Variants in SYNPR observed in about 807,000 individuals in gnomAD.
SYNPR encodes synaptoporin.
SYNPR carries 23 observed loss-of-function variants against 32.9 expected under a neutral mutation model. The ratio of observed to expected loss-of-function variants is 0.70; its 90% CI spans 0.50 to 0.99. The LOEUF (loss-of-function observed/expected upper bound fraction) is 0.99. Ranked by LOEUF, SYNPR falls within the 50% of genes least tolerant of loss-of-function variation. The probability of loss-of-function intolerance (pLI) is 0.00; values close to 1 mark genes in which losing one functional copy is unlikely to be tolerated. For synonymous variants in SYNPR, 146 were observed against 135.9 expected (o/e 1.07, Z -0.52); for missense variants, 318 against 349.3 (o/e 0.91, Z 0.71).
At chr3:63,596,815 T>A (rs555630621) in intron 4 of SYNPR, among the ~76,000 whole-genome samples, 13 of 152,296 alleles carry the variant, frequency 8.5e-5, no homozygotes, top group Middle Eastern at 6.8e-3. Flanking sequence ...CACTGTCACT[T>A]GACCATGGAT....
the SYNPR span, among the ~76,000 whole-genome samples, chr3:63,222,011 A>ATTTTT: frequency 0.016 from 875 of 56,382 alleles, 137 homozygotes; most frequent in East Asian, 0.048. Flanking sequence ...GCCATGCTCA[A>ATTTTT]TTTTTTTTTT....
chr3:63,270,443 A>G (rs901181254), intron 3 of SYNPR, among the ~76,000 whole-genome samples: 1 of 152,234 alleles, frequency 6.6e-6, no homozygotes, highest in Non-Finnish European at 1.5e-5. Flanking sequence ...AAACCAAGGG[A>G]CATACACCGA....
intron 4 of SYNPR, among the ~76,000 whole-genome samples, chr3:63,597,405 G>T (rs1699977598): frequency 6.6e-6 from 1 of 152,170 alleles, no homozygotes; most frequent in South Asian, 2.1e-4. Context: ...TTGCTTACTT[G>T]AAGGATCTGA....
upstream of SYNPR, among the ~76,000 whole-genome samples, chr3:63,225,629 CCAT>C (rs972867568): frequency 6.6e-6 from 1 of 151,984 alleles, no homozygotes; most frequent in Non-Finnish European, 1.5e-5. Flanking sequence ...AACCCATCTC[CCAT>C]CATATACAAA....
chr3:63,519,523 A>G (rs929132942), intron 3 of SYNPR, among the ~76,000 whole-genome samples: 1 of 152,100 alleles, frequency 6.6e-6, no homozygotes, highest in African/African-American at 2.4e-5. Context: ...AGCTCACCTA[A>G]TCTATAACCA....
chr3:63,510,780 A>G (rs1701681537), intron 3 of SYNPR, among the ~76,000 whole-genome samples: 1 of 152,100 alleles, frequency 6.6e-6, no homozygotes, highest in Non-Finnish European at 1.5e-5. Flanking sequence ...TTACTCATTT[A>G]AATACCTCCC....
At chr3:63,552,398 G>C (rs1702518578) in intron 3 of SYNPR, among the ~76,000 whole-genome samples, 2 of 152,150 alleles carry the variant, frequency 1.3e-5, no homozygotes, top group African/African-American at 4.8e-5. Flanking sequence ...TCACTGGCAA[G>C]GGTAGGAAAG....
chr3:63,416,279 C>A (rs1050407370), intron 2 of SYNPR, among the ~76,000 whole-genome samples: 4 of 152,140 alleles, frequency 2.6e-5, no homozygotes, highest in Non-Finnish European at 5.9e-5. Flanking sequence ...GCCTGTAATC[C>A]CAGCACTTTG....
At chr3:63,588,418 T>C (rs376541085) in intron 4 of SYNPR, among the ~76,000 whole-genome samples, 2 of 152,106 alleles carry the variant, frequency 1.3e-5, no homozygotes, top group East Asian at 3.9e-4. Context: ...TTTCCAGCTA[T>C]ATTTATAATG....
At chr3:63,554,046 T>C (rs1000803927) in intron 3 of SYNPR, among the ~76,000 whole-genome samples, 1 of 152,200 alleles carries the variant, frequency 6.6e-6, no homozygotes, top group Admixed American at 6.5e-5. Flanking sequence ...GAGAAGTGTC[T>C]ACATCTTTTG....
intron 2 of SYNPR, among the ~76,000 whole-genome samples, chr3:63,325,202 G>C (rs541164945): frequency 9.2e-5 from 14 of 152,134 alleles, no homozygotes; most frequent in African/African-American, 3.4e-4. Flanking sequence ...TAATTCTTAG[G>C]TGACAAGAGA....
At chr3:63,429,023 C>A (rs1699938580) in intron 2 of SYNPR, among the ~76,000 whole-genome samples, 1 of 152,160 alleles carries the variant, frequency 6.6e-6, no homozygotes, top group Non-Finnish European at 1.5e-5. Context: ...ATATGCTACA[C>A]ACATGAACGA....
rs1553644965 is a variant in SYNPR, at chr3:63,540,930, A to ACACAC, written c.210-15613_210-15612insCACAC. Reference sequence around the variant, plus strand: ...CACACACACACACAATCCCCCCCCCAACACACACACACACACACACACACA... The same window carrying ACACAC: ...CACACACACACACAATCCCCCCCCCACACACACACACACACACACACACACACACA... On this transcript the variant is annotated intron_variant, in intron 3 of 5. Transcript: ENST00000478300. Among the ~76,000 whole-genome samples the ACACAC allele has an allele frequency of 5.5e-3, 679 of 122,818 alleles. 7 individuals carry two copies. The highest frequency in any genetic ancestry group is 0.017 in the African/African-American group (532 of 31,002). The allele number at this position is 122,818 out of a possible 152,430, so 80.6% of individuals were successfully genotyped here.
chr3:63,408,265 GAAAGAAAGAAAGAGGA>G (rs1560221055), intron 2 of SYNPR, among the ~76,000 whole-genome samples: 8 of 119,652 alleles, frequency 6.7e-5, no homozygotes, highest in South Asian at 2.8e-4. Flanking sequence ...AAGAAAGAAA[GAAAGAAAGAAAGAGGA>G]AGGAAGGAAG....
intron 2 of SYNPR, among the ~76,000 whole-genome samples, chr3:63,316,459 T>G (rs2087044726): frequency 6.6e-6 from 1 of 152,020 alleles, no homozygotes; most frequent in Non-Finnish European, 1.5e-5. Context: ...TGGTTTAAGC[T>G]AGGAGGGCTG....
chr3:63,317,692 G>T (rs746289119), intron 2 of SYNPR, among the ~76,000 whole-genome samples: 1 of 151,932 alleles, frequency 6.6e-6, no homozygotes, highest in Non-Finnish European at 1.5e-5. Flanking sequence ...CTGTAGTTCT[G>T]TATCTTTTAA....
intron 2 of SYNPR, among the ~76,000 whole-genome samples, chr3:63,459,349 T>C (rs988087818): frequency 2.0e-5 from 3 of 152,050 alleles, no homozygotes; most frequent in Non-Finnish European, 2.9e-5. Flanking sequence ...CTGACCCACC[T>C]CCATAACTCA....
At chr3:63,401,255 C>T (rs1003075664) in intron 2 of SYNPR, among the ~76,000 whole-genome samples, 1 of 152,140 alleles carries the variant, frequency 6.6e-6, no homozygotes, top group African/African-American at 2.4e-5. Context: ...AAAAGGATAG[C>T]TGAATTTTCT....
chr3:63,355,879 G>T (rs1206832906), intron 2 of SYNPR, among the ~76,000 whole-genome samples: 2 of 152,176 alleles, frequency 1.3e-5, no homozygotes, highest in African/African-American at 2.4e-5. Flanking sequence ...AACAGCACTT[G>T]TTACAGCTGT....
Sources: allele counts gnomAD v4.1 joint callset (sites outside exome capture counted in the v4.1 genomes callset), GRCh38; gene constraint gnomAD v4.1.1; transcripts MANE v1.5; gene names NCBI Gene and HGNC (gene_info 2026-07-23, HGNC 2026-07-21).